Variants in ARL6IP5 observed in about 807,000 individuals in gnomAD.
ARL6IP5 encodes the protein PRA1 family protein 3.
In ARL6IP5, 6 loss-of-function variants were observed where a neutral mutation model predicts 13.0. The observed-to-expected ratio is 0.46, with a 90% CI of 0.25 to 0.91. The LOEUF (loss-of-function observed/expected upper bound fraction) is 0.91, where lower values mean the gene tolerates loss of function less well. ARL6IP5 is among the 40% of genes least tolerant of loss of function. The probability of loss-of-function intolerance (pLI) is 0.17; values close to 1 mark genes in which losing one functional copy is unlikely to be tolerated. For synonymous variants in ARL6IP5, 91 were observed against 91.9 expected (o/e 0.99, Z 0.06); for missense variants, 208 against 248.8 (o/e 0.84, Z 1.10).
In ARL6IP5 at chr3:69,085,044, G is replaced by C; in HGVS notation, c.-4G>C. 1 of 1,613,192 alleles carries C rather than the reference G, an allele frequency of 6.2e-7. No homozygotes were observed. Among genetic ancestry groups the C allele is most frequent in the Non-Finnish European group, 8.5e-7 (1 of 1,179,590 alleles). On this transcript the variant is annotated 5_prime_UTR_variant, in exon 1 of 3. Coordinates refer to ENST00000273258, the MANE Select transcript of ARL6IP5 (RefSeq NM_006407.4). ...CTGGAGGCGAAGAACGCAAAGCTGA[G>C]AACATGGACGTTAATATCGCCCCAC...
intron 1 of ARL6IP5, among the ~76,000 whole-genome samples, chr3:69,088,106 CAA>C (rs1301250676): frequency 2.0e-5 from 3 of 152,130 alleles, no homozygotes; most frequent in Non-Finnish European, 4.4e-5. Flanking sequence ...ATGATTTACT[CAA>C]AGTCACAAAC....
At chr3:69,086,415 C>A (rs572373737) in intron 1 of ARL6IP5, among the ~76,000 whole-genome samples, 1 of 152,330 alleles carries the variant, frequency 6.6e-6, no homozygotes, top group South Asian at 2.1e-4. Context: ...GGGGAGACTT[C>A]ACAGTTTCCG....
At chr3:69,091,594 C>T (rs2092267287) in intron 1 of ARL6IP5, among the ~76,000 whole-genome samples, 1 of 151,244 alleles carries the variant, frequency 6.6e-6, no homozygotes, top group Non-Finnish European at 1.5e-5. Context: ...ATGGCTGGCA[C>T]ACCTTTGATA....
rs529842071 is a variant in ARL6IP5 at position 69,096,132 on chromosome 3, T to C, written c.177-5707T>C. On this transcript the variant is annotated intron_variant, in intron 1 of 2. Transcript: ENST00000273258. The stretch of plus-strand genomic sequence containing the variant: ...ATCAGATACAGAAGAAAATAATTTC[T>C]GCTCAGAGTAACTTCGTTAGTTTTT... Among the ~76,000 whole-genome samples the C allele has an allele frequency of 4.6e-5, 7 of 152,352 alleles. No homozygotes were observed. The South Asian group carries it at 1.2e-3, about 27-fold the overall frequency.
chr3:69,098,239 G>GC (rs1268684438), intron 1 of ARL6IP5, among the ~76,000 whole-genome samples: 1 of 84,276 alleles, frequency 1.2e-5, no homozygotes, highest in African/African-American at 5.8e-5. Context: ...ACCATACCTG[G>GC]CTTTTTTTTT....
rs1491279773 is a variant in ARL6IP5, at chr3:69,099,130, G to GGC, written c.177-2708_177-2707insCG. ...ATAGCACTTTGGGAGGCTGAGGGGC[G>GGC]GGGGGGGTGGGGGGTGGATCACATG... On this transcript the variant is annotated intron_variant, in intron 1 of 2. Transcript: ENST00000273258. 1.1e-3 allele frequency among the ~76,000 whole-genome samples: 108 copies of GGC among 96,342 alleles called. 1 individual carries two copies. Among genetic ancestry groups the GGC allele is most frequent in the Middle Eastern group, 8.6e-3 (2 of 232 alleles). The allele number at this position is 96,342 out of a possible 152,430, so 63.2% of individuals were successfully genotyped here. A position where few individuals can be genotyped will look rare whatever the true frequency, so the allele number is the denominator to read the frequency against.
intron 2 of ARL6IP5, 28 bp from the exon 3 acceptor site, chr3:69,104,436 G>A (rs1240882992): frequency 2.5e-6 from 4 of 1,599,234 alleles, no homozygotes; most frequent in Non-Finnish European, 2.6e-6. Context: ...TGTTGCTTTG[G>A]TGTTAACCAG....
intron 1 of ARL6IP5, among the ~76,000 whole-genome samples, chr3:69,097,653 TTG>T (rs2092291273): frequency 2.0e-5 from 3 of 152,036 alleles, no homozygotes; most frequent in Admixed American, 1.3e-4. Context: ...AATTCCGGGG[TTG>T]TCTCAGAAGA....
chr3:69,091,918 A>G (rs981024394), intron 1 of ARL6IP5, among the ~76,000 whole-genome samples: 3 of 152,220 alleles, frequency 2.0e-5, no homozygotes, highest in Middle Eastern at 3.4e-3. Flanking sequence ...TTAAGCATCA[A>G]TATTGGAAAT....
chr3:69,096,657 G>A (rs996773024), intron 1 of ARL6IP5, among the ~76,000 whole-genome samples: 2 of 135,242 alleles, frequency 1.5e-5, no homozygotes, highest in Non-Finnish European at 3.1e-5. Context: ...AGGCTGGAGT[G>A]CAGTGGCACA....
At chr3:69,088,371 A>G (rs921580650) in intron 1 of ARL6IP5, among the ~76,000 whole-genome samples, 4 of 152,200 alleles carry the variant, frequency 2.6e-5, no homozygotes, top group Non-Finnish European at 4.4e-5. Context: ...TGACCTGGAT[A>G]AAAGAGTGTT....
At chr3:69,104,003 G>T (rs886118216) in intron 2 of ARL6IP5, among the ~76,000 whole-genome samples, 2 of 152,088 alleles carry the variant, frequency 1.3e-5, no homozygotes, top group Admixed American at 1.3e-4. Flanking sequence ...TAAAGCCTCC[G>T]GGAGGCACTT....
At chr3:69,089,912 G>C in intron 1 of ARL6IP5, 1 of 453,558 alleles carries the variant, frequency 2.2e-6, no homozygotes, top group South Asian at 1.6e-5. Context: ...GATGTTGCAG[G>C]AGGGTGGAAT....
intron 1 of ARL6IP5, among the ~76,000 whole-genome samples, chr3:69,098,240 C>CTTTTTTTTTT (rs34413250): frequency 5.6e-5 from 4 of 71,820 alleles, no homozygotes; most frequent in African/African-American, 1.9e-4. Context: ...CCATACCTGG[C>CTTTTTTTTTT]TTTTTTTTTT....
chr3:69,102,250 G>A (rs567824224), intron 2 of ARL6IP5, 194 bp downstream of exon 2: 2 of 610,796 alleles, frequency 3.3e-6, no homozygotes, highest in Admixed American at 2.9e-5. Flanking sequence ...ATGAGGTCAA[G>A]GCCTTATAGT....
intron 1 of ARL6IP5, among the ~76,000 whole-genome samples, chr3:69,094,360 C>T (rs1231022859): frequency 6.6e-6 from 1 of 152,180 alleles, no homozygotes; most frequent in Non-Finnish European, 1.5e-5. Context: ...TATACAGTGG[C>T]CCTGGCTGCA....
At chr3:69,100,404 T>C (rs1575863576) in intron 1 of ARL6IP5, among the ~76,000 whole-genome samples, 2 of 152,192 alleles carry the variant, frequency 1.3e-5, no homozygotes, top group South Asian at 4.1e-4. Flanking sequence ...ATGAACTCTC[T>C]ATGTGAGGAG....
At chr3:69,095,614 C>A (rs1254568555) in intron 1 of ARL6IP5, among the ~76,000 whole-genome samples, 1 of 151,826 alleles carries the variant, frequency 6.6e-6, no homozygotes, top group Non-Finnish European at 1.5e-5. Flanking sequence ...CGTGTCTCAG[C>A]CTCCTGAACA....
intron 1 of ARL6IP5, among the ~76,000 whole-genome samples, chr3:69,097,761 G>A (rs1422458992): frequency 2.0e-5 from 3 of 152,218 alleles, no homozygotes; most frequent in African/African-American, 7.2e-5. Flanking sequence ...GAAGAGGGCA[G>A]AGAGAATAGC....
Sources: allele counts gnomAD v4.1 joint callset (sites outside exome capture counted in the v4.1 genomes callset), GRCh38; gene constraint gnomAD v4.1.1; transcripts MANE v1.5; gene names NCBI Gene and HGNC (gene_info 2026-07-23, HGNC 2026-07-21).